KCNU1: variants seen among roughly 807,000 people sequenced by gnomAD.
The protein encoded by KCNU1 is potassium channel subfamily U member 1.
A neutral mutation model predicts 126.8 loss-of-function variants in KCNU1; 93 were observed. The ratio of observed to expected loss-of-function variants is 0.73; its 90% CI spans 0.62 to 0.87. KCNU1 has a LOEUF of 0.87. Ranked by LOEUF, KCNU1 falls within the 40% of genes least tolerant of loss-of-function variation. The pLI is 0.00. For synonymous variants in KCNU1, 523 were observed against 494.2 expected, an observed-to-expected ratio of 1.06 and a Z score of -0.77; for missense variants, 1,330 against 1,367.1, an observed-to-expected ratio of 0.97 and a Z score of 0.43.
At chr8:36,931,428 G>A (rs1343123871) in intron 25 of KCNU1, among the ~76,000 whole-genome samples, 5 of 152,034 alleles carry the variant, frequency 3.3e-5, no homozygotes, top group African/African-American at 4.8e-5. Flanking sequence ...AGGGAGCATC[G>A]GAGAGGCCTG....
chr8:36,842,828 C>G (rs1365248003), intron 16 of KCNU1, among the ~76,000 whole-genome samples: 1 of 152,014 alleles, frequency 6.6e-6, no homozygotes, highest in Non-Finnish European at 1.5e-5. Flanking sequence ...GTGCACCACA[C>G]CCGGTTAATT....
intron 19 of KCNU1, among the ~76,000 whole-genome samples, chr8:36,867,038 A>ATT (rs1394931938): frequency 6.6e-6 from 1 of 152,122 alleles, no homozygotes; most frequent in East Asian, 1.9e-4. Context: ...AGAGAGGTTA[A>ATT]TTTTCTTTCC....
At chr8:36,796,230 C>T (rs920268819) in intron 2 of KCNU1, among the ~76,000 whole-genome samples, 3 of 152,042 alleles carry the variant, frequency 2.0e-5, no homozygotes, top group African/African-American at 4.8e-5. Context: ...ATCTTTTCTA[C>T]TTTGGTAGAA....
At chr8:36,930,467 T>A (rs570211413) in intron 24 of KCNU1, among the ~76,000 whole-genome samples, 1 of 152,262 alleles carries the variant, frequency 6.6e-6, no homozygotes, top group East Asian at 1.9e-4. Flanking sequence ...TGTCCCTAAG[T>A]AGGTCACAAA....
chr8:36,933,283 C>T (rs571109905), intron 26 of KCNU1, among the ~76,000 whole-genome samples: 6 of 152,164 alleles, frequency 3.9e-5, no homozygotes, highest in East Asian at 3.9e-4. Flanking sequence ...AATTGAAACA[C>T]GGAGCTAGAT....
At chr8:36,833,743 G>A in intron 11 of KCNU1, 84 bp downstream of exon 11, 1 of 764,714 alleles carries the variant, frequency 1.3e-6, no homozygotes. Flanking sequence ...TTTAAAAAAG[G>A]TATTATTTCA....
intron 26 of KCNU1, among the ~76,000 whole-genome samples, chr8:36,935,245 C>T (rs1229580660): frequency 6.6e-6 from 1 of 152,098 alleles, no homozygotes; most frequent in Non-Finnish European, 1.5e-5. Context: ...AGAAGGAGGA[C>T]ACCATGCCCA....
At chr8:36,811,265 T>C (rs1023399828) in intron 7 of KCNU1, among the ~76,000 whole-genome samples, 2 of 152,166 alleles carry the variant, frequency 1.3e-5, no homozygotes, top group Non-Finnish European at 2.9e-5. Context: ...GTTGAACCTG[T>C]AGATTAAAGG....
chr8:36,887,942 A>G (rs1806782254), intron 19 of KCNU1, among the ~76,000 whole-genome samples: 1 of 152,132 alleles, frequency 6.6e-6, no homozygotes, highest in Non-Finnish European at 1.5e-5. Context: ...GTTATGTTGA[A>G]ACAATAGAAG....
rs1007372605 is a variant in KCNU1, at chr8:36,910,869, G to T, written c.2332-61G>T. ...ATCACTCACAAAGAGCCACCACCAT[G>T]AGCCATGATATAACATCCCTCCATC... On this transcript the variant is annotated intron_variant, in intron 21 of 26. Transcript: ENST00000399881. The T allele has an allele frequency of 6.1e-5, 74 of 1,208,044 alleles. 1 individual carries two copies. In the African/African-American group the frequency reaches 9.8e-4, roughly 16 times the overall value. 74.8% of individuals were successfully genotyped at this position (1,208,044 alleles called of 1,614,324 possible).
chr8:36,817,757 GA>G lies in KCNU1; in HGVS notation c.1104del (p.Glu369LysfsTer27). ...ATCAACACTGAAATTGTTTTCCTGG[GA>G]GAGTAAGTATATCTGTATGGCTCAT... Reference protein sequence around the residue: ...GEINTEIVFLGETPPSLELET... With the variant: ...GEINTEIVFLXETPPSLELET... On this transcript the variant is annotated frameshift_variant and splice_region_variant, in exon 10 of 27. Coordinates refer to ENST00000399881, the MANE Select transcript of KCNU1 (RefSeq NM_001031836.3). LOFTEE classifies it high-confidence loss of function. 1 of 1,539,738 alleles carries G rather than the reference GA, an allele frequency of 6.5e-7. No homozygotes were observed.
chr8:36,864,378 T>C, intron 18 of KCNU1, 26 bp from the exon 19 acceptor site: 1 of 1,324,132 alleles, frequency 7.6e-7, no homozygotes, highest in South Asian at 1.2e-5. Flanking sequence ...ATGTGCCAAC[T>C]CACTGAGATT....
chr8:36,792,265 A>G (rs1352114899), intron 2 of KCNU1, among the ~76,000 whole-genome samples: 1 of 152,226 alleles, frequency 6.6e-6, no homozygotes, highest in Non-Finnish European at 1.5e-5. Context: ...TTAGGTGTTC[A>G]GGCCACTTAG....
intron 16 of KCNU1, among the ~76,000 whole-genome samples, chr8:36,842,131 C>T (rs1804979363): frequency 6.6e-6 from 1 of 152,010 alleles, no homozygotes; most frequent in Non-Finnish European, 1.5e-5. Flanking sequence ...GGCCCTGTGG[C>T]CGTGGATAAG....
chr8:36,831,956 T>C lies in KCNU1; in HGVS notation c.1107-1598T>C, dbSNP rs538865782. ...TTTTGTATAATGTGTGAGGAAGGGATCCAGTTTCAGCTTTCTACATATGGC... is the reference window on the plus strand; with the variant it reads ...TTTTGTATAATGTGTGAGGAAGGGACCCAGTTTCAGCTTTCTACATATGGC... On this transcript the variant is annotated intron_variant, in intron 10 of 26. Coordinates refer to ENST00000399881, the MANE Select transcript of KCNU1 (RefSeq NM_001031836.3). Among the ~76,000 whole-genome samples, 4 of 152,346 alleles carry C rather than the reference T, an allele frequency of 2.6e-5. No individual in the cohort carries two copies. In the South Asian group the frequency reaches 8.3e-4, roughly 32 times the overall value.
intron 24 of KCNU1, among the ~76,000 whole-genome samples, 190 bp downstream of exon 24, chr8:36,922,819 C>T (rs1327414096): frequency 6.6e-6 from 1 of 152,202 alleles, no homozygotes; most frequent in Non-Finnish European, 1.5e-5. Flanking sequence ...AACATTTTCA[C>T]ATTTTCAAGA....
chr8:36,789,730 G>A lies in KCNU1; in HGVS notation c.315+2305G>A, dbSNP rs533217521. 7.9e-5 allele frequency among the ~76,000 whole-genome samples: 12 copies of A among 152,232 alleles called. 1 individual carries two copies. The South Asian group carries it at 2.3e-3, about 29-fold the overall frequency. ...TTACAGAGTAAGATCACAGTGGTGA[G>A]AGAAAAAAATCTCTAAAAAGGTAAG... On this transcript the variant is annotated intron_variant, in intron 2 of 26. Transcript: ENST00000399881.
intron 18 of KCNU1, among the ~76,000 whole-genome samples, chr8:36,847,883 C>A (rs1025879699): frequency 2.0e-5 from 3 of 152,154 alleles, no homozygotes; most frequent in African/African-American, 7.2e-5. Flanking sequence ...TGATGAATTC[C>A]CATACAGCTT....
At chr8:36,797,850 A>G (rs915119219) in intron 2 of KCNU1, among the ~76,000 whole-genome samples, 6 of 152,186 alleles carry the variant, frequency 3.9e-5, no homozygotes, top group Non-Finnish European at 8.8e-5. Context: ...GCCACATGCC[A>G]GGTACTAAGC....
Sources: allele counts gnomAD v4.1 joint callset (sites outside exome capture counted in the v4.1 genomes callset), GRCh38; gene constraint gnomAD v4.1.1; transcripts MANE v1.5; gene names NCBI Gene and HGNC (gene_info 2026-07-23, HGNC 2026-07-21).